Variants in PARP8 observed in about 807,000 individuals in gnomAD.
PARP8 encodes poly(ADP-ribose) polymerase family member 8.
PARP8 carries 51 observed loss-of-function variants against 124.1 expected under a neutral mutation model. The ratio of observed to expected loss-of-function variants is 0.41; its 90% CI spans 0.33 to 0.52. PARP8 has a LOEUF of 0.52. Ranked by LOEUF, PARP8 falls within the 20% of genes least tolerant of loss-of-function variation. PARP8 has a pLI of 0.21. For synonymous variants in PARP8, 391 were observed against 361.5 expected (o/e 1.08, Z -0.93); for missense variants, 860 against 1,018.9 (o/e 0.84, Z 2.12).
At chr5:50,823,883 T>C (rs971001750) in intron 17 of PARP8, among the ~76,000 whole-genome samples, 11 of 152,342 alleles carry the variant, frequency 7.2e-5, no homozygotes, top group Admixed American at 1.3e-4. Context: ...CTTGGGCAAG[T>C]TGCTTAATTG....
At chr5:50,761,760 C>A in intron 5 of PARP8, 61 bp from the exon 6 acceptor site, 1 of 1,095,722 alleles carries the variant, frequency 9.1e-7, no homozygotes, top group Non-Finnish European at 1.3e-6. Context: ...TAGTCACTTG[C>A]TATTTTAGAA....
Position 50,760,317 on chromosome 5 carries a change from C to T in PARP8, c.300C>T (p.Asn100=). Residue 100 remains asparagine, a synonymous_variant, in exon 5 of 26, where the codon AAC becomes AAT. Coordinates refer to ENST00000281631, the MANE Select transcript of PARP8 (RefSeq NM_024615.4). ...AATTAAGAAAAACAAATGACATTAA[C>T]TGTTGCTTATCCATAAAATCCAAAT... ...ATELRKTNDI[N]CCLSIKSKLQ... is the part of the protein sequence containing the mutation. 6.5e-7 allele frequency: 1 copy of T among 1,528,782 alleles called. No homozygotes were observed. Among genetic ancestry groups the T allele is most frequent in the Non-Finnish European group, 8.9e-7 (1 of 1,123,078 alleles). The allele number at this position is 1,528,782 out of a possible 1,614,324, so 94.7% of individuals were successfully genotyped here.
intron 2 of PARP8, among the ~76,000 whole-genome samples, chr5:50,709,955 T>TATATATATATACACAC (rs149858890): frequency 9.7e-6 from 1 of 103,324 alleles, no homozygotes; most frequent in Non-Finnish European, 2.0e-5. Context: ...TATATATATA[T>TATATATATATACACAC]ACACATACAT....
chr5:50,717,438 T>G (rs1405838458), intron 2 of PARP8, among the ~76,000 whole-genome samples: 1 of 152,014 alleles, frequency 6.6e-6, no homozygotes, highest in Non-Finnish European at 1.5e-5. Flanking sequence ...AGAACAGATT[T>G]CAGGAGTGGG....
intron 22 of PARP8, among the ~76,000 whole-genome samples, chr5:50,832,147 C>T (rs1747055546): frequency 6.6e-6 from 1 of 152,170 alleles, no homozygotes; most frequent in South Asian, 2.1e-4. Flanking sequence ...CAAAAATCAA[C>T]ACCTATCTCA....
chr5:50,766,376 G>A (rs1358686753), intron 7 of PARP8, among the ~76,000 whole-genome samples: 2 of 152,112 alleles, frequency 1.3e-5, no homozygotes, highest in Non-Finnish European at 2.9e-5. Context: ...CATTGTAAAT[G>A]TACCTCCCTA....
chr5:50,763,753 A>G (rs1156782888), intron 7 of PARP8, among the ~76,000 whole-genome samples: 3 of 152,126 alleles, frequency 2.0e-5, no homozygotes, highest in Admixed American at 6.5e-5. Flanking sequence ...TGCTTTTAAT[A>G]CTTCAGAAGA....
chr5:50,824,250 T>A (rs1303102632), intron 17 of PARP8, among the ~76,000 whole-genome samples: 1 of 152,158 alleles, frequency 6.6e-6, no homozygotes, highest in Non-Finnish European at 1.5e-5. Flanking sequence ...TGCTTTCATA[T>A]TGGTTATTGG....
intron 2 of PARP8, among the ~76,000 whole-genome samples, chr5:50,726,604 T>A (rs770538529): frequency 2.0e-5 from 3 of 152,164 alleles, no homozygotes; most frequent in Non-Finnish European, 4.4e-5. Context: ...CAGCGATGAT[T>A]GAGGAAATTC....
At chr5:50,736,872 A>C (rs1757523810) in intron 2 of PARP8, among the ~76,000 whole-genome samples, 1 of 152,152 alleles carries the variant, frequency 6.6e-6, no homozygotes, top group Admixed American at 6.6e-5. Flanking sequence ...TTCATTAACC[A>C]TGTAGGCTTC....
chr5:50,763,291 T>A (rs1022362765), intron 7 of PARP8, 49 bp downstream of exon 7: 1 of 1,422,750 alleles, frequency 7.0e-7, no homozygotes, highest in African/African-American at 1.4e-5. Flanking sequence ...TGGTAAGTCA[T>A]TGAAATTTAC....
At chr5:50,729,728 CTCT>C (rs1419712556) in intron 2 of PARP8, among the ~76,000 whole-genome samples, 1 of 152,200 alleles carries the variant, frequency 6.6e-6, no homozygotes, top group Admixed American at 6.5e-5. Flanking sequence ...GTTTTTCCTT[CTCT>C]TCTTTACTGA....
chr5:50,797,479 T>C (rs1460177752), intron 14 of PARP8, among the ~76,000 whole-genome samples: 1 of 152,086 alleles, frequency 6.6e-6, no homozygotes, highest in East Asian at 1.9e-4. Context: ...CAGCTATTTA[T>C]CCATCTACAC....
At chr5:50,728,356 T>C (rs1250222879) in intron 2 of PARP8, among the ~76,000 whole-genome samples, 1 of 152,220 alleles carries the variant, frequency 6.6e-6, no homozygotes, top group Non-Finnish European at 1.5e-5. Context: ...ATAAAAATGA[T>C]TCTGTTGATC....
intron 7 of PARP8, among the ~76,000 whole-genome samples, chr5:50,767,959 C>T (rs1187345477): frequency 6.6e-6 from 1 of 152,042 alleles, no homozygotes; most frequent in Non-Finnish European, 1.5e-5. Flanking sequence ...AGGCTTACTT[C>T]CTAGGAACAT....
chr5:50,812,351 G>C (rs553665932), intron 14 of PARP8, among the ~76,000 whole-genome samples: 9 of 152,282 alleles, frequency 5.9e-5, no homozygotes, highest in African/African-American at 2.2e-4. Flanking sequence ...CAGTGATGAT[G>C]AGCATTTTTT....
intron 2 of PARP8, among the ~76,000 whole-genome samples, chr5:50,694,627 G>A (rs1048101256): frequency 3.3e-5 from 5 of 152,144 alleles, no homozygotes; most frequent in Non-Finnish European, 5.9e-5. Context: ...TAGAAACTGG[G>A]ACCACATGTA....
chr5:50,818,792 A>G (rs1745414729), intron 15 of PARP8, among the ~76,000 whole-genome samples: 2 of 152,240 alleles, frequency 1.3e-5, no homozygotes, highest in African/African-American at 2.4e-5. Flanking sequence ...AAAAAGTCTA[A>G]TGCTAGCTTC....
At chr5:50,779,916 C>A (rs1740475604) in intron 9 of PARP8, among the ~76,000 whole-genome samples, 1 of 147,752 alleles carries the variant, frequency 6.8e-6, no homozygotes. Flanking sequence ...TAAATTAATG[C>A]ATAATATAAA....
Sources: allele counts gnomAD v4.1 joint callset (sites outside exome capture counted in the v4.1 genomes callset), GRCh38; gene constraint gnomAD v4.1.1; transcripts MANE v1.5; gene names NCBI Gene and HGNC (gene_info 2026-07-23, HGNC 2026-07-21).